DLG2: variants seen among roughly 807,000 people sequenced by gnomAD.
DLG2 encodes the protein disks large homolog 2.
DLG2 carries 45 observed loss-of-function variants against 132.5 expected under a neutral mutation model. The observed-to-expected ratio is 0.34, with a 90% CI of 0.27 to 0.44. The LOEUF (loss-of-function observed/expected upper bound fraction) is 0.44. Among genes scored for constraint, DLG2 ranks in the 20% least tolerant of loss-of-function variants. The probability of loss-of-function intolerance (pLI) is 1.00; values close to 1 mark genes in which losing one functional copy is unlikely to be tolerated. For synonymous variants in DLG2, 424 were observed against 419.6 expected (o/e 1.01, Z -0.13); for missense variants, 1,045 against 1,196.9 (o/e 0.87, Z 1.87).
At chr11:83,956,307 A>G (rs1439214460) in intron 14 of DLG2, among the ~76,000 whole-genome samples, 4 of 152,188 alleles carry the variant, frequency 2.6e-5, no homozygotes, top group Admixed American at 2.0e-4. Context: ...CCACCAGAGG[A>G]GGGCAGCCGC....
intron 9 of DLG2, among the ~76,000 whole-genome samples, chr11:84,134,592 G>C (rs1451411326): frequency 6.6e-6 from 1 of 151,948 alleles, no homozygotes; most frequent in Non-Finnish European, 1.5e-5. Context: ...CAGGGAACTA[G>C]GTACAGTTCC....
chr11:85,563,996 T>C (rs1271209595), intron 3 of DLG2, among the ~76,000 whole-genome samples: 4 of 152,120 alleles, frequency 2.6e-5, no homozygotes, highest in Non-Finnish European at 5.9e-5. Context: ...TAGATTTGTC[T>C]AGTAGTATCT....
At chr11:84,441,523 C>G (rs1424399645) in intron 7 of DLG2, among the ~76,000 whole-genome samples, 1 of 152,086 alleles carries the variant, frequency 6.6e-6, no homozygotes, top group East Asian at 1.9e-4. Context: ...ATGCCAAGAT[C>G]TTGATATTAG....
chr11:84,704,856 T>C (rs1340037877), intron 6 of DLG2, among the ~76,000 whole-genome samples: 1 of 149,806 alleles, frequency 6.7e-6, no homozygotes, highest in Non-Finnish European at 1.5e-5. Context: ...TTCATATATA[T>C]ATATACACAC....
At chr11:83,518,332 A>T (rs1189575011) in intron 21 of DLG2, among the ~76,000 whole-genome samples, 1 of 152,242 alleles carries the variant, frequency 6.6e-6, no homozygotes, top group East Asian at 1.9e-4. Flanking sequence ...GGCGCGGGAT[A>T]TAATCTCCTG....
intron 3 of DLG2, among the ~76,000 whole-genome samples, chr11:85,381,531 A>T (rs1233027347): frequency 6.6e-6 from 1 of 152,174 alleles, no homozygotes; most frequent in Non-Finnish European, 1.5e-5. Context: ...AATCAAAGTC[A>T]TCTAGACTGA....
chr11:84,371,207 C>T (rs2098704943), intron 7 of DLG2, among the ~76,000 whole-genome samples: 1 of 151,038 alleles, frequency 6.6e-6, no homozygotes, highest in Non-Finnish European at 1.5e-5. Flanking sequence ...AGTCAGATAA[C>T]ACAAATCTCT....
At chr11:83,553,930 C>T (rs2096458249) in intron 19 of DLG2, among the ~76,000 whole-genome samples, 1 of 144,868 alleles carries the variant, frequency 6.9e-6, no homozygotes, top group East Asian at 2.0e-4. Context: ...TAGTCTCGCT[C>T]AGTCACCCAA....
At chr11:84,450,830 T>C (rs2099049464) in intron 7 of DLG2, among the ~76,000 whole-genome samples, 1 of 151,574 alleles carries the variant, frequency 6.6e-6, no homozygotes, top group Non-Finnish European at 1.5e-5. Flanking sequence ...TGTTTATTCA[T>C]CATTGTAGCC....
intron 6 of DLG2, among the ~76,000 whole-genome samples, chr11:84,627,028 C>T (rs112532484): frequency 0.095 from 14,406 of 151,932 alleles, 2,088 homozygotes; most frequent in African/African-American, 0.31. Context: ...CCCGCCACCA[C>T]GCCCGCTAAT....
chr11:83,586,452 T>A (rs1187393823), intron 19 of DLG2, among the ~76,000 whole-genome samples: 2 of 152,232 alleles, frequency 1.3e-5, no homozygotes, highest in Admixed American at 6.5e-5. Context: ...ACTTCTCTTA[T>A]GAGAATAACC....
chr11:84,093,033 C>CA (rs562763060), intron 10 of DLG2, among the ~76,000 whole-genome samples: 5,584 of 87,422 alleles, frequency 0.064, 262 homozygotes, highest in African/African-American at 0.15. Context: ...GAGTCTCCGT[C>CA]AAAAAAAAAA....
At chr11:85,354,034 A>C (rs2083501103) in intron 3 of DLG2, among the ~76,000 whole-genome samples, 1 of 151,790 alleles carries the variant, frequency 6.6e-6, no homozygotes, top group Non-Finnish European at 1.5e-5. Context: ...CTAAATCATA[A>C]TAGAGTCACT....
intron 3 of DLG2, among the ~76,000 whole-genome samples, chr11:85,424,346 T>A (rs186993459): frequency 1.3e-4 from 20 of 152,280 alleles, no homozygotes; most frequent in Admixed American, 4.6e-4. Flanking sequence ...ATTCCTGCCA[T>A]CACTCTGGAG....
chr11:85,414,874 A>G (rs1159495056), intron 3 of DLG2, among the ~76,000 whole-genome samples: 1 of 151,926 alleles, frequency 6.6e-6, no homozygotes, highest in Non-Finnish European at 1.5e-5. Context: ...TTCTTTCATT[A>G]TTATACTTTA....
intron 6 of DLG2, among the ~76,000 whole-genome samples, chr11:84,656,772 C>T (rs1284528266): frequency 2.0e-5 from 3 of 151,996 alleles, no homozygotes; most frequent in Admixed American, 6.6e-5. Flanking sequence ...GTTAAAGGGA[C>T]ATAAGATTAT....
chr11:83,980,441 C>T, intron 12 of DLG2, 65 bp downstream of exon 12: 1 of 1,514,284 alleles, frequency 6.6e-7, no homozygotes, highest in Non-Finnish European at 8.9e-7. Context: ...CTGACAAAGA[C>T]AGTCATACAC....
At chr11:85,500,908 G>A (rs2093785785) in intron 3 of DLG2, among the ~76,000 whole-genome samples, 1 of 152,080 alleles carries the variant, frequency 6.6e-6, no homozygotes, top group East Asian at 1.9e-4. Flanking sequence ...CACAGAATTG[G>A]AAAAAAATAC....
chr11:83,713,267 A>T (rs1001367465), intron 18 of DLG2, among the ~76,000 whole-genome samples: 1 of 152,208 alleles, frequency 6.6e-6, no homozygotes, highest in Non-Finnish European at 1.5e-5. Flanking sequence ...TTTTCCCCAT[A>T]AGTTACACTA....
Sources: gnomAD v4.1 joint callset for allele counts (sites outside exome capture counted in the v4.1 genomes callset) on GRCh38, gnomAD v4.1.1 for gene constraint, MANE v1.5 for transcripts, NCBI Gene and HGNC (gene_info 2026-07-23, HGNC 2026-07-21) for gene names.